CDHR4: variants seen among roughly 807,000 people sequenced by gnomAD.
CDHR4 encodes the protein cadherin-related family member 4.
Under a neutral mutation model 88.4 loss-of-function variants are expected in CDHR4, and 89 were observed. That is an observed-to-expected ratio of 1.01 (90% confidence interval 0.85 to 1.20). CDHR4 has a LOEUF of 1.20. Among genes scored for constraint, CDHR4 ranks in the 50% most tolerant of loss-of-function variants. The pLI is 0.00. For missense variants in CDHR4, 914 were observed against 1,007.2 expected (o/e 0.91, Z 1.25); for synonymous variants, 368 against 399.2 (o/e 0.92, Z 0.93).
rs2081225234 is a variant in CDHR4, at chr3:49,793,933, C to A, written c.1353G>T (p.Arg451=). The change falls in exon 11 of 19, where the codon CGG becomes CGT. Residue 451 remains arginine, a synonymous_variant. Coordinates refer to ENST00000412678, the MANE Select transcript of CDHR4 (RefSeq NM_001007540.4). The part of the protein sequence containing the change: ...FSPACAPRTF[R]VQEDAAPHTL... The stretch of plus-strand genomic sequence containing the variant: ...TGTGGGGCGCCGCATCCTCCTGAAC[C>A]CGGAACGTGCGAGGGGCACAGGCTG... 1 of 1,551,672 alleles carries A rather than the reference C, an allele frequency of 6.4e-7. No individual in the cohort carries two copies. Among genetic ancestry groups the A allele is most frequent in the Non-Finnish European group, 8.7e-7 (1 of 1,147,010 alleles).
At chr3:49,794,059 T>C (rs1453240548) in intron 10 of CDHR4, 53 bp from the exon 11 acceptor site, 2 of 1,521,570 alleles carry the variant, frequency 1.3e-6, no homozygotes, top group Non-Finnish European at 1.8e-6. Flanking sequence ...ATCCCTGAAC[T>C]GGGGGTCTGA....
At position 49,793,293 on chromosome 3, in the gene CDHR4, G is replaced by A. The variant is rs964637519; in HGVS notation, c.1642C>T (p.Pro548Ser). The A allele has an allele frequency of 2.6e-6, 4 of 1,551,398 alleles. No individual in the cohort carries two copies. The highest frequency in any genetic ancestry group is 4.9e-5 in the East Asian group (2 of 40,932). The part of the protein sequence containing the change: ...IEVEDVNDHA[P>S]ECEPPFQELT... ...TCCTGAAATGGGGGCTCACACTCGG[G>A]GGCATGGTCATTCACATCCTGCAGA... Residue 548 changes from proline to serine, a missense_variant, in exon 13 of 19, where the codon CCC becomes TCC. Pro to Ser is a moderately conservative substitution (Grantham distance 74). Transcript: ENST00000412678.
At chr3:49,799,460 G>A in intron 1 of CDHR4, 23 bp from the exon 2 acceptor site, 1 of 1,569,718 alleles carries the variant, frequency 6.4e-7, no homozygotes, top group Non-Finnish European at 8.6e-7. Context: ...GAGAATTCAG[G>A]CTGGAGGCCC....
chr3:49,791,524 C>T, intron 17 of CDHR4, 56 bp from the exon 18 acceptor site: 3 of 1,534,892 alleles, frequency 2.0e-6, no homozygotes, highest in South Asian at 1.2e-5. Flanking sequence ...CACAGGGGAG[C>T]AGATGAAGGC....
In CDHR4 at chr3:49,795,471, C is replaced by T; in HGVS notation, c.848-92G>A. 1 of 1,500,282 alleles carries T rather than the reference C, an allele frequency of 6.7e-7. No individual in the cohort carries two copies. The highest frequency in any genetic ancestry group is 8.9e-7 in the Non-Finnish European group (1 of 1,118,342). 92.9% of individuals were successfully genotyped at this position (1,500,282 alleles called of 1,614,324 possible). A position where few individuals can be genotyped will look rare whatever the true frequency, so the allele number is the denominator to read the frequency against. ...CTCAGTCCCACTCCTGCCAGCCCAC[C>T]AGATCCATAGGCAAAGGAGGCCGCT... On this transcript the variant is annotated intron_variant, in intron 7 of 18. Transcript: ENST00000412678. This position sits in a 1 kb window ranked among gnomAD's most constrained non-coding sequence, Gnocchi z 5.4.
In CDHR4 at chr3:49,796,918, T is replaced by C. The variant is rs1228874966; in HGVS notation, c.606+4A>G. On this transcript the variant is annotated splice_donor_region_variant and intron_variant, in intron 5 of 18. Transcript: ENST00000412678. The stretch of plus-strand genomic sequence containing the variant: ...AACACCCTCAGATTCCAGGTCATGC[T>C]CACCTTTTGAGCCTGGCCTAGGAGG... 6.5e-7 allele frequency: 1 copy of C among 1,550,106 alleles called. No homozygotes were observed. Among genetic ancestry groups the C allele is most frequent in the Non-Finnish European group, 8.7e-7 (1 of 1,145,662 alleles).
At position 49,799,409 on chromosome 3, in the gene CDHR4, AT is replaced by A; in HGVS notation, c.77del (p.Asn26MetfsTer56). 3 of 1,606,756 alleles carry A rather than the reference AT, an allele frequency of 1.9e-6. No homozygotes were observed. The highest frequency in any genetic ancestry group is 2.5e-6 in the Non-Finnish European group (3 of 1,176,750). ...TGCCAGGGCCCTGGCTCTCAGAGAC[AT>A]TTATAAAGCAGGGCAGGCTGCAGAG... Reference protein sequence around the residue: ...SDLCSLPCFINVSESQGPGTV... With the variant: ...SDLCSLPCFIXVSESQGPGTV... On this transcript the variant is annotated frameshift_variant, in exon 2 of 19. Coordinates refer to ENST00000412678, the MANE Select transcript of CDHR4 (RefSeq NM_001007540.4). LOFTEE classifies it high-confidence loss of function.
In CDHR4 at chr3:49,792,959, G is replaced by C; in HGVS notation, c.1890C>G (p.Ala630=). Residue 630 remains alanine, a synonymous_variant, in exon 14 of 19, where the codon GCC becomes GCG. Transcript: ENST00000412678. ...PRTYELLICV[A]DAGPSTPHLS... ...GGTGGGGGGTGGAGGGGCCTGCATC[G>C]GCCACACAGATCAGTAGCTCATAGG... The C allele has an allele frequency of 1.9e-6, 3 of 1,551,664 alleles. No homozygotes were observed. Among genetic ancestry groups the C allele is most frequent in the Non-Finnish European group, 2.6e-6 (3 of 1,146,990 alleles).
rs1309262435 is a variant in CDHR4 at position 49,795,721 on chromosome 3, CG to C, written c.753del (p.Gly252ValfsTer42). 6.4e-7 allele frequency: 1 copy of C among 1,551,542 alleles called. No individual in the cohort carries two copies. The highest frequency in any genetic ancestry group is 8.7e-7 in the Non-Finnish European group (1 of 1,146,988). On this transcript the variant is annotated frameshift_variant, in exon 7 of 19. Coordinates refer to ENST00000412678, the MANE Select transcript of CDHR4 (RefSeq NM_001007540.4). LOFTEE classifies it high-confidence loss of function. This position sits in a 1 kb window ranked among gnomAD's most constrained non-coding sequence, Gnocchi z 5.4. ...GCCTGGACCTGAACCACCTCACTAC[CG>C]GGGGCCAGATTCTCAGGGATGGTGA... ...QNITIPENLA[P>X]GSEVVQVQAR...
upstream of CDHR4, chr3:49,799,964 G>A: frequency 1.4e-6 from 1 of 692,710 alleles, no homozygotes; most frequent in Non-Finnish European, 2.5e-6. Context: ...CCTGGTGACT[G>A]AGTTCTAGAC....
At chr3:49,799,910 G>T, upstream of CDHR4, 1 of 1,320,210 alleles carries the variant, frequency 7.6e-7, no homozygotes, top group Non-Finnish European at 1.1e-6. Context: ...ACATAGCTGG[G>T]CAGGCGGGAC....
Position 49,792,919 on chromosome 3 carries a change from T to C in CDHR4, c.1930A>G (p.Thr644Ala), listed in dbSNP as rs1436603103. 1.3e-6 allele frequency: 2 copies of C among 1,551,494 alleles called. No individual in the cohort carries two copies. Among genetic ancestry groups the C allele is most frequent in the Non-Finnish European group, 1.7e-6 (2 of 1,146,902 alleles). Reference protein sequence around the residue: ...PSTPHLSTTATIIVHLVPRRA... With the variant: ...PSTPHLSTTAAIIVHLVPRRA... ...CGGGGAACTAGATGCACAATAATGG[T>C]GGCTGTGGTGCTGAGGTGGGGGGTG... is the stretch of plus-strand genomic sequence containing the variant. Residue 644 changes from threonine to alanine, a missense_variant, in exon 14 of 19, where the codon ACC becomes GCC. By Grantham distance (58) the Thr-to-Ala change is moderately conservative. Coordinates refer to ENST00000412678, the MANE Select transcript of CDHR4 (RefSeq NM_001007540.4).
In CDHR4 at chr3:49,795,946, AAGG is replaced by A. The variant is rs2081265408; in HGVS notation, c.704_706del (p.Ser235del). 2 of 1,538,544 alleles carry A rather than the reference AAGG, an allele frequency of 1.3e-6. No individual in the cohort carries two copies. On this transcript the variant is annotated inframe_deletion, in exon 6 of 19. Coordinates refer to ENST00000412678, the MANE Select transcript of CDHR4 (RefSeq NM_001007540.4). This position sits in a 1 kb window ranked among gnomAD's most constrained non-coding sequence, Gnocchi z 5.4. ...TTCCAGGGTAGGGGAGCCTTACAGGAAGGAGACCTGGCTGGAGGGAACAGGCAA... is the reference window on the plus strand; with the variant it reads ...TTCCAGGGTAGGGGAGCCTTACAGGAAGACCTGGCTGGAGGGAACAGGCAA...
rs2081268604 is a variant in CDHR4, at chr3:49,796,154, G to T, written c.607-108C>A. 7.3e-6 allele frequency: 5 copies of T among 686,004 alleles called. No individual in the cohort carries two copies. The East Asian group carries it at 1.1e-4, about 16-fold the overall frequency. 42.5% of individuals were successfully genotyped at this position (686,004 alleles called of 1,614,324 possible). ...CAACCTCACTTAGGATCTCCAAAAG[G>T]ATCTTCAACTTCCACTCTTCCCCAT... On this transcript the variant is annotated intron_variant, in intron 5 of 18. Coordinates refer to ENST00000412678, the MANE Select transcript of CDHR4 (RefSeq NM_001007540.4).
Position 49,796,361 on chromosome 3 carries a change from A to C in CDHR4, c.607-315T>G, listed in dbSNP as rs377082556. Among the ~76,000 whole-genome samples the C allele has an allele frequency of 5.3e-5, 8 of 151,566 alleles. No individual in the cohort carries two copies. The East Asian group carries it at 1.2e-3, about 22-fold the overall frequency. Reference sequence around the variant, plus strand: ...GACTGCACTGACCATTTTACTCAGAACTTTTTTTTTTTTTGCCCATGTTGG... The same window carrying C: ...GACTGCACTGACCATTTTACTCAGACCTTTTTTTTTTTTTGCCCATGTTGG... On this transcript the variant is annotated intron_variant, in intron 5 of 18. Transcript: ENST00000412678.
In CDHR4 at chr3:49,799,111, G is replaced by C. The variant is rs1184291754; in HGVS notation, c.286C>G (p.His96Asp). The C allele has an allele frequency of 6.4e-7, 1 of 1,574,608 alleles. No individual in the cohort carries two copies. Residue 96 changes from histidine (H) to aspartate (D), a missense_variant, in exon 3 of 19, where the codon CAC becomes GAC. Transcript: ENST00000412678. ...GTGAACTTCAGCTGCACCTTGTAGT[G>C]GTTCACCATCAGGGCATCCAACTGA... ...SAQLDALMVNHYKVQLKFTCG... is the reference protein window; with the variant it reads ...SAQLDALMVNDYKVQLKFTCG...
In CDHR4 at chr3:49,792,804, T is replaced by C; in HGVS notation, c.1995+50A>G. 3.4e-6 allele frequency: 5 copies of C among 1,492,410 alleles called. No individual in the cohort carries two copies. In the East Asian group the frequency reaches 1.2e-4, roughly 37 times the overall value. The allele number at this position is 1,492,410 out of a possible 1,614,324, so 92.4% of individuals were successfully genotyped here. A position where few individuals can be genotyped will look rare whatever the true frequency, so the allele number is the denominator to read the frequency against. On this transcript the variant is annotated intron_variant, in intron 14 of 18. Coordinates refer to ENST00000412678, the MANE Select transcript of CDHR4 (RefSeq NM_001007540.4). The stretch of plus-strand genomic sequence containing the variant: ...CCTGAAAAACTGGGTCTCCTCACTC[T>C]CCAAGGTCCACCCTTCCCACCCTGC...
At chr3:49,802,485 TCTTCTTGATTG>T (rs2081374860), upstream of CDHR4, among the ~76,000 whole-genome samples, 2 of 152,172 alleles carry the variant, frequency 1.3e-5, no homozygotes, top group Admixed American at 1.3e-4. Context: ...AGAATGCCCC[TCTTCTTGATTG>T]CATCTTGATG....
chr3:49,794,147 C>T (rs1424452361), intron 10 of CDHR4, 141 bp from the exon 11 acceptor site: 1 of 797,806 alleles, frequency 1.3e-6, no homozygotes, highest in East Asian at 2.7e-5. Context: ...GCCTGTAATC[C>T]CAGCACTTTG....
Sources: gnomAD v4.1 joint callset for allele counts (sites outside exome capture counted in the v4.1 genomes callset) on GRCh38, gnomAD v4.1.1 for gene constraint, Gnocchi (gnomAD v3.1) non-coding constraint, MANE v1.5 for transcripts, NCBI Gene and HGNC (gene_info 2026-07-23, HGNC 2026-07-21) for gene names.